Variants in OR5P3 observed in about 807,000 individuals in gnomAD.
OR5P3 encodes olfactory receptor 5P3.
For missense variants in OR5P3, 415 were observed against 375.6 expected, an observed-to-expected ratio of 1.10 and a Z score of -0.87; for synonymous variants, 172 against 141.8, an observed-to-expected ratio of 1.21 and a Z score of -1.51.
chr11:7,828,821 T>C (rs1437624465), intron 1 of OR5P3, among the ~76,000 whole-genome samples: 3 of 152,326 alleles, frequency 2.0e-5, no homozygotes, highest in Admixed American at 1.3e-4. Context: ...GCATCTGGAA[T>C]ATTACATATG....
chr11:7,828,576 T>C (rs527823603), intron 1 of OR5P3, among the ~76,000 whole-genome samples: 2 of 152,120 alleles, frequency 1.3e-5, no homozygotes, highest in Non-Finnish European at 2.9e-5. Context: ...TGACCTGGAG[T>C]GACTTAACAG....
rs747523156 is a variant in OR5P3 at position 7,825,385 on chromosome 11, T to G, written c.588A>C (p.Glu196Asp). The G allele has an allele frequency of 1.2e-5, 19 of 1,613,042 alleles. No individual in the cohort carries two copies. Among genetic ancestry groups the G allele is most frequent in the Non-Finnish European group, 1.1e-5 (13 of 1,180,024 alleles). Reference protein sequence around the residue: ...KLACSHDFTFEIIPAISSGSI... With the variant: ...KLACSHDFTFDIIPAISSGSI... ...ATCCAGAAGAGATAGCTGGAATTAT[T>G]TCAAAAGTAAAATCATGGGAACAAG... The change falls in exon 2 of 2, where the codon GAA becomes GAC. Residue 196 changes from glutamate to aspartate, a missense_variant. Physicochemically the swap from Glu to Asp is conservative, Grantham distance 45. Transcript: ENST00000641167.
Position 7,825,337 on chromosome 11 carries a change from A to G in OR5P3, c.636T>C (p.Cys212=), listed in dbSNP as rs755921523. Residue 212 remains cysteine, a synonymous_variant, in exon 2 of 2, where the codon TGT becomes TGC. Transcript: ENST00000641167. ...TATAGATGTAGGATATGGCTATGAC[A>G]CACACAGTGGCCACAATGATAGATC... is the stretch of plus-strand genomic sequence containing the variant. The part of the protein sequence containing the change: ...SSGSIIVATV[C]VIAISYIYIL... 6.2e-7 allele frequency: 1 copy of G among 1,613,156 alleles called. No individual in the cohort carries two copies. Among genetic ancestry groups the G allele is most frequent in the Admixed American group, 1.7e-5 (1 of 59,976 alleles).
At chr11:7,827,029 T>A (rs919411862) in intron 1 of OR5P3, among the ~76,000 whole-genome samples, 3 of 152,322 alleles carry the variant, frequency 2.0e-5, no homozygotes, top group Admixed American at 2.0e-4. Context: ...TCTCACTTTA[T>A]AAAATTATAA....
At chr11:7,828,417 TGA>T (rs1019154663) in intron 1 of OR5P3, among the ~76,000 whole-genome samples, 1 of 152,136 alleles carries the variant, frequency 6.6e-6, no homozygotes, top group Non-Finnish European at 1.5e-5. Context: ...GATGGCATTC[TGA>T]GAGAGAGAGT....
intron 1 of OR5P3, among the ~76,000 whole-genome samples, chr11:7,830,462 T>A (rs897335724): frequency 1.3e-5 from 2 of 152,152 alleles, no homozygotes; most frequent in Non-Finnish European, 2.9e-5. Context: ...ATGTGTATAA[T>A]AGAAATTCAG....
Position 7,825,612 on chromosome 11 carries a change from C to G in OR5P3, c.361G>C (p.Asp121His). 1.2e-6 allele frequency: 2 copies of G among 1,613,084 alleles called. No homozygotes were observed. The highest frequency in any genetic ancestry group is 8.5e-7 in the Non-Finnish European group (1 of 1,180,020). Reference sequence around the variant, plus strand: ...GGTGAGCAGATGGCCACATAGCGATCATAGGCCATGGCAGCCAGCAGGAAG... The same window carrying G: ...GGTGAGCAGATGGCCACATAGCGATGATAGGCCATGGCAGCCAGCAGGAAG... ...ECFLLAAMAYDRYVAICSPLL... is the reference protein window; with the variant it reads ...ECFLLAAMAYHRYVAICSPLL... Residue 121 changes from aspartate to histidine, a missense_variant, in exon 2 of 2, where the codon GAT becomes CAT. Physicochemically the swap from Asp to His is moderately conservative, Grantham distance 81. Transcript: ENST00000641167.
Position 7,824,893 on chromosome 11 carries a change from A to C in OR5P3, c.*144T>G. Reference sequence around the variant, plus strand: ...ACTTCTAATTTCCTATTCTATCTGAAAATCTTCCCTCCTGATTGACTAAAA... The same window carrying C: ...ACTTCTAATTTCCTATTCTATCTGACAATCTTCCCTCCTGATTGACTAAAA... On this transcript the variant is annotated 3_prime_UTR_variant, in exon 2 of 2. Transcript: ENST00000641167. 1 of 472,324 alleles carries C rather than the reference A, an allele frequency of 2.1e-6. No homozygotes were observed. The allele number at this position is 472,324 out of a possible 1,614,324, so 29.3% of individuals were successfully genotyped here.
Position 7,825,037 on chromosome 11 carries a change from T to A in OR5P3, c.936A>T (p.Ter312CysextTer1), listed in dbSNP as rs1281951213. 2 of 1,609,640 alleles carry A rather than the reference T, an allele frequency of 1.2e-6. No individual in the cohort carries two copies. Among genetic ancestry groups the A allele is most frequent in the Non-Finnish European group, 1.7e-6 (2 of 1,177,636 alleles). Residue 312 changes from the stop codon to cysteine, a stop_lost, in exon 2 of 2, where the codon TGA (stop) becomes TGT (cysteine). Transcript: ENST00000641167. ...KRELRIKIFS[*>C] ...AGATTCTTCAAACTAACTAGTTTCA[T>A]CAAGAAAATATTTTTATTCTAAGCT...
chr11:7,825,907 T>C lies in OR5P3; in HGVS notation c.66A>G (p.Thr22=). ...ACACAAGAAATAAAATAGCACAAACTGTAGTATCCTCAGATAACCCCAAAA... is the reference window on the plus strand; with the variant it reads ...ACACAAGAAATAAAATAGCACAAACCGTAGTATCCTCAGATAACCCCAAAA... ...FTLLGLSEDT[T]VCAILFLVFL... The change falls in exon 2 of 2, where the codon ACA becomes ACG. Residue 22 remains threonine, a synonymous_variant. Coordinates refer to ENST00000641167, the MANE Select transcript of OR5P3 (RefSeq NM_153445.2). The C allele has an allele frequency of 6.2e-7, 1 of 1,606,886 alleles. No homozygotes were observed. The highest frequency in any genetic ancestry group is 8.5e-7 in the Non-Finnish European group (1 of 1,174,938).
chr11:7,827,776 C>T (rs534199158), intron 1 of OR5P3, among the ~76,000 whole-genome samples: 7 of 152,094 alleles, frequency 4.6e-5, no homozygotes, highest in East Asian at 1.9e-4. Context: ...ACTCTAACAA[C>T]GGGAGAGACA....
chr11:7,825,273 G>C lies in OR5P3; in HGVS notation c.700C>G (p.Arg234Gly). ...TILKMHSTKGRHKAFSTCTSH... is the reference protein window; with the variant it reads ...TILKMHSTKGGHKAFSTCTSH... ...GTGCAGGTGGAGAAGGCCTTGTGGC[G>C]GCCCTTGGTGGAGTGCATCTTCAGG... The change falls in exon 2 of 2, where the codon CGC (arginine) becomes GGC (glycine). Residue 234 changes from arginine to glycine, a missense_variant. Coordinates refer to ENST00000641167, the MANE Select transcript of OR5P3 (RefSeq NM_153445.2). 6.2e-7 allele frequency: 1 copy of C among 1,613,044 alleles called. No individual in the cohort carries two copies. The highest frequency in any genetic ancestry group is 1.6e-4 in the Middle Eastern group (1 of 6,062).
intron 1 of OR5P3, among the ~76,000 whole-genome samples, chr11:7,829,356 G>C (rs1857782322): frequency 6.6e-6 from 1 of 151,642 alleles, no homozygotes; most frequent in African/African-American, 2.4e-5. Context: ...TCTTGGGCAA[G>C]AAATGGCTCC....
At position 7,825,010 on chromosome 11, in the gene OR5P3, T is replaced by A. The variant is rs1857713335; in HGVS notation, c.*27A>T. 6.6e-7 allele frequency: 1 copy of A among 1,510,656 alleles called. No homozygotes were observed. The highest frequency in any genetic ancestry group is 1.2e-5 in the South Asian group (1 of 83,810). The allele number at this position is 1,510,656 out of a possible 1,614,324, so 93.6% of individuals were successfully genotyped here. On this transcript the variant is annotated 3_prime_UTR_variant, in exon 2 of 2. Coordinates refer to ENST00000641167, the MANE Select transcript of OR5P3 (RefSeq NM_153445.2). ...TTATTATATATAGAATATTAATATA[T>A]CAGATTCTTCAAACTAACTAGTTTC...
Position 7,825,364 on chromosome 11 carries a change from A to G in OR5P3, c.609T>C (p.Ser203=), listed in dbSNP as rs370175185. 477 of 1,613,268 alleles carry G rather than the reference A, an allele frequency of 3.0e-4. 2 individuals carry two copies. Among genetic ancestry groups the G allele is most frequent in the Non-Finnish European group, 3.6e-4 (424 of 1,180,034 alleles). The change falls in exon 2 of 2, where the codon TCT becomes TCC. Residue 203 remains serine, a synonymous_variant. Coordinates refer to ENST00000641167, the MANE Select transcript of OR5P3 (RefSeq NM_153445.2). The part of the protein sequence containing the change: ...FTFEIIPAIS[S]GSIIVATVCV... ...ACACAGTGGCCACAATGATAGATCC[A>G]GAAGAGATAGCTGGAATTATTTCAA...
intron 1 of OR5P3, among the ~76,000 whole-genome samples, chr11:7,828,135 G>A (rs969211467): frequency 3.3e-5 from 5 of 152,168 alleles, no homozygotes; most frequent in Non-Finnish European, 5.9e-5. Flanking sequence ...CGGGGTAAAA[G>A]TGGTAAGAGA....
In OR5P3 at chr11:7,825,866, A is replaced by T; in HGVS notation, c.107T>A (p.Val36Asp). The T allele has an allele frequency of 1.2e-6, 2 of 1,610,912 alleles. No individual in the cohort carries two copies. The highest frequency in any genetic ancestry group is 1.4e-5 in the African/African-American group (1 of 73,854). ...ILFLVFLGIYVVTLMGNISII... is the reference protein window; with the variant it reads ...ILFLVFLGIYDVTLMGNISII... ...GCTGATATTACCCATTAAGGTGACAACATAAATTCCTAGAAACACAAGAAA... is the reference window on the plus strand; with the variant it reads ...GCTGATATTACCCATTAAGGTGACATCATAAATTCCTAGAAACACAAGAAA... Residue 36 changes from valine (V) to aspartate (D), a missense_variant, in exon 2 of 2, where the codon GTT becomes GAT. Physicochemically the swap from Val to Asp is radical, Grantham distance 152. Coordinates refer to ENST00000641167, the MANE Select transcript of OR5P3 (RefSeq NM_153445.2).
Position 7,825,149 on chromosome 11 carries a change from GACA to G in OR5P3, c.821_823del (p.Val274_Ser275delinsAla). On this transcript the variant is annotated inframe_deletion, in exon 2 of 2. Coordinates refer to ENST00000641167, the MANE Select transcript of OR5P3 (RefSeq NM_153445.2). Reference sequence around the variant, plus strand: ...GGGAATCACCACGGTGTAGAACACAGACACCACCTTGTTCTGGTCAGTTGAGTA... The same window carrying G: ...GGGAATCACCACGGTGTAGAACACAGCCACCTTGTTCTGGTCAGTTGAGTA... The G allele has an allele frequency of 1.2e-6, 2 of 1,607,022 alleles. No individual in the cohort carries two copies. The highest frequency in any genetic ancestry group is 1.7e-6 in the Non-Finnish European group (2 of 1,179,968).
At chr11:7,827,521 G>T (rs1857757820) in intron 1 of OR5P3, among the ~76,000 whole-genome samples, 1 of 152,006 alleles carries the variant, frequency 6.6e-6, no homozygotes, top group Admixed American at 6.6e-5. Context: ...GGAATGTTAG[G>T]GTATATGCAA....
Sources: allele counts gnomAD v4.1 joint callset (sites outside exome capture counted in the v4.1 genomes callset), GRCh38; gene constraint gnomAD v4.1.1; transcripts MANE v1.5; gene names NCBI Gene and HGNC (gene_info 2026-07-23, HGNC 2026-07-21).